ZNF713: variants seen among roughly 807,000 people sequenced by gnomAD.
ZNF713 encodes zinc finger protein 713.
A neutral mutation model predicts 28.7 loss-of-function variants in ZNF713; 21 were observed. The observed-to-expected ratio is 0.73, with a 90% CI of 0.52 to 1.05. The LOEUF is 1.05. Among genes scored for constraint, ZNF713 ranks in the 50% least tolerant of loss-of-function variants. ZNF713 has a pLI of 0.00. For missense variants in ZNF713, 458 were observed against 532.4 expected (o/e 0.86, Z 1.37); for synonymous variants, 167 against 178.0 (o/e 0.94, Z 0.49).
At position 55,939,109 on chromosome 7, in the gene ZNF713, A is replaced by C; in HGVS notation, c.435A>C (p.Gly145=). Reference sequence around the variant, plus strand: ...GCTTCTGGTACTCCATCCTAGGAGGACTCTGGGATTTTGATTACCATCCAG... The same window carrying C: ...GCTTCTGGTACTCCATCCTAGGAGGCCTCTGGGATTTTGATTACCATCCAG... The part of the protein sequence containing the change: ...GDSFWYSILG[G]LWDFDYHPEF... Residue 145 remains glycine (G), a synonymous_variant, in exon 7 of 7, where the codon GGA becomes GGC. Coordinates refer to ENST00000429591, the MANE Select transcript of ZNF713 (RefSeq NM_182633.3). 1 of 1,614,090 alleles carries C rather than the reference A, an allele frequency of 6.2e-7. No individual in the cohort carries two copies. The highest frequency in any genetic ancestry group is 1.1e-5 in the South Asian group (1 of 91,078).
intron 6 of ZNF713, among the ~76,000 whole-genome samples, chr7:55,932,076 G>A (rs1786221687): frequency 6.6e-6 from 1 of 152,034 alleles, no homozygotes; most frequent in Non-Finnish European, 1.5e-5. Context: ...ATAATACATC[G>A]GTTTAAAATT....
rs1294305235 is a variant in ZNF713 at position 55,939,461 on chromosome 7, T to C, written c.787T>C (p.Cys263Arg). The part of the protein sequence containing the change: ...HIHTAEKPSE[C>R]GKAFSHTSSL... ...TCATACTGCAGAGAAACCCAGTGAG[T>C]GTGGGAAGGCCTTCAGCCACACCTC... The change falls in exon 7 of 7, where the codon TGT becomes CGT. Residue 263 changes from cysteine to arginine, a missense_variant. Coordinates refer to ENST00000429591, the MANE Select transcript of ZNF713 (RefSeq NM_182633.3). 1 of 1,613,908 alleles carries C rather than the reference T, an allele frequency of 6.2e-7. No homozygotes were observed. The highest frequency in any genetic ancestry group is 1.7e-5 in the Admixed American group (1 of 59,978).
intron 1 of ZNF713, among the ~76,000 whole-genome samples, chr7:55,895,001 ATTATAAGTGATT>A (rs1472933814): frequency 6.6e-6 from 1 of 152,212 alleles, no homozygotes; most frequent in African/African-American, 2.4e-5. Context: ...TCCAGGTGAT[ATTATAAGTGATT>A]TTCATTTTTT....
intron 1 of ZNF713, among the ~76,000 whole-genome samples, chr7:55,898,891 A>T (rs920684675): frequency 1.8e-4 from 28 of 152,200 alleles, no homozygotes; most frequent in African/African-American, 6.8e-4. Context: ...GGATATGCAG[A>T]TTAAAACCAC....
rs1380386489 is a variant in ZNF713, at chr7:55,911,690, A to G, written c.-381A>G. The stretch of plus-strand genomic sequence containing the variant: ...TTGAATACTATAGTGAAGTCTGTAC[A>G]TGAAGAAATGATGCTTTTAGGGAGG... On this transcript the variant is annotated 5_prime_UTR_variant, in exon 3 of 7. It removes an upstream start codon present in the reference 5' UTR. Transcript: ENST00000429591. The G allele has an allele frequency of 2.0e-5, 3 of 152,154 alleles. No individual in the cohort carries two copies. The highest frequency in any genetic ancestry group is 4.4e-5 in the Non-Finnish European group (3 of 68,038). The allele number at this position is 152,154 out of a possible 1,614,324, so 9.4% of individuals were successfully genotyped here.
At position 55,895,299 on chromosome 7, in the gene ZNF713, A is replaced by G. The variant is rs553372229; in HGVS notation, c.-583+7619A>G. On this transcript the variant is annotated intron_variant, in intron 1 of 6. Coordinates refer to ENST00000429591, the MANE Select transcript of ZNF713 (RefSeq NM_182633.3). ...AGAATGTGACATTGATTAGATAGAG[A>G]GCCTAAGGGAGAACGAGGGAGCTCA... Among the ~76,000 whole-genome samples, 7 of 152,198 alleles carry G rather than the reference A, an allele frequency of 4.6e-5. No homozygotes were observed. The East Asian group carries it at 1.4e-3, about 29-fold the overall frequency.
intron 1 of ZNF713, among the ~76,000 whole-genome samples, chr7:55,892,576 AAAC>A (rs1366245142): frequency 4.4e-4 from 67 of 150,804 alleles, no homozygotes; most frequent in Middle Eastern, 3.5e-3. Context: ...AAAAAAAAAA[AAAC>A]AAAGCAGAAT....
At chr7:55,897,546 G>A (rs530053863) in intron 1 of ZNF713, among the ~76,000 whole-genome samples, 2 of 151,998 alleles carry the variant, frequency 1.3e-5, no homozygotes, top group East Asian at 1.9e-4. Flanking sequence ...CTCCCAAAGC[G>A]TTAGGATTAC....
Position 55,903,970 on chromosome 7 carries a change from A to G in ZNF713, c.-582-2283A>G, listed in dbSNP as rs531903697. ...TAATTTTAAGTGTGGGACTGATATG[A>G]TCAGGTTTTTGTCTTTTTAAGATCC... is the stretch of plus-strand genomic sequence containing the variant. On this transcript the variant is annotated intron_variant, in intron 1 of 6. Coordinates refer to ENST00000429591, the MANE Select transcript of ZNF713 (RefSeq NM_182633.3). 7.0e-4 allele frequency among the ~76,000 whole-genome samples: 107 copies of G among 152,302 alleles called. 1 individual carries two copies. Among genetic ancestry groups the G allele is most frequent in the Admixed American group, 1.3e-3 (20 of 15,290 alleles).
intron 6 of ZNF713, among the ~76,000 whole-genome samples, chr7:55,931,069 T>C (rs1354904404): frequency 6.6e-6 from 1 of 152,138 alleles, no homozygotes; most frequent in Non-Finnish European, 1.5e-5. Context: ...GTGGATCACG[T>C]GAGGTCAGGA....
chr7:55,887,896 C>CA lies in ZNF713; in HGVS notation c.-583+216_-583+217insA, dbSNP rs764810608. Among the ~76,000 whole-genome samples the CA allele has an allele frequency of 5.8e-4, 48 of 82,258 alleles. 7 individuals carry two copies. The highest frequency in any genetic ancestry group is 6.5e-3 in the Middle Eastern group (1 of 154). The allele number at this position is 82,258 out of a possible 152,430, so 54.0% of individuals were successfully genotyped here. On this transcript the variant is annotated intron_variant, in intron 1 of 6. Transcript: ENST00000429591. ...CGGCGGCGGCGGCGGCGGGCGGCGGCGGCGGCGGGAGGCGGCAGGTGGCGG... is the reference window on the plus strand; with the variant it reads ...CGGCGGCGGCGGCGGCGGGCGGCGGCAGGCGGCGGGAGGCGGCAGGTGGCGG...
chr7:55,923,699 G>A lies in ZNF713; in HGVS notation c.307G>A (p.Asp103Asn). 6.2e-7 allele frequency: 1 copy of A among 1,610,650 alleles called. No individual in the cohort carries two copies. Among genetic ancestry groups the A allele is most frequent in the Non-Finnish European group, 8.5e-7 (1 of 1,178,122 alleles). Residue 103 changes from aspartate to asparagine, a missense_variant and splice_region_variant, in exon 6 of 7, where the codon GAT becomes AAT. Transcript: ENST00000429591. Reference protein sequence around the residue: ...ERDSLLDTHPDGENRPEIKKS... With the variant: ...ERDSLLDTHPNGENRPEIKKS... ...AGACAGCCTGCTGGATACTCATCCAGGTAAGTGCACACTCTTGGGCACTGC... is the reference window on the plus strand; with the variant it reads ...AGACAGCCTGCTGGATACTCATCCAAGTAAGTGCACACTCTTGGGCACTGC...
rs544182634 is a variant in ZNF713, at chr7:55,927,085, TGAGCCAA to T, written c.307+3389_307+3395del. 2.6e-3 allele frequency among the ~76,000 whole-genome samples: 393 copies of T among 152,236 alleles called. 3 individuals are homozygous for T. Among genetic ancestry groups the T allele is most frequent in the African/African-American group, 8.7e-3 (360 of 41,528 alleles). ...TGAACCTGGGAGGTAGAGGTTGCAG[TGAGCCAA>T]GACTGCACCACTGCACTCCAGCCTG... On this transcript the variant is annotated intron_variant, in intron 6 of 6. Transcript: ENST00000429591.
chr7:55,903,363 A>AT (rs1408760320), intron 1 of ZNF713, among the ~76,000 whole-genome samples: 2 of 151,856 alleles, frequency 1.3e-5, no homozygotes, highest in Admixed American at 6.6e-5. Context: ...AATTACAGTG[A>AT]TTTAAAAAAA....
At position 55,925,077 on chromosome 7, in the gene ZNF713, G is replaced by A. The variant is rs529487409; in HGVS notation, c.307+1378G>A. ...TCTGGCATACCACCTACGATGTTCT[G>A]CCTGGCTGTTTTAACAAGGAGTGGA... On this transcript the variant is annotated intron_variant, in intron 6 of 6. Coordinates refer to ENST00000429591, the MANE Select transcript of ZNF713 (RefSeq NM_182633.3). 5.9e-5 allele frequency among the ~76,000 whole-genome samples: 9 copies of A among 151,292 alleles called. No individual in the cohort carries two copies. The South Asian group carries it at 1.7e-3, about 28-fold the overall frequency.
intron 4 of ZNF713, among the ~76,000 whole-genome samples, chr7:55,919,996 T>C (rs1785964542): frequency 6.6e-6 from 1 of 152,212 alleles, no homozygotes; most frequent in Non-Finnish European, 1.5e-5. Context: ...TTGTGTGTTC[T>C]GACTGCTCCA....
rs528366956 is a variant in ZNF713, at chr7:55,939,484, C to T, written c.810C>T (p.Thr270=). The part of the protein sequence containing the change: ...PSECGKAFSH[T]SSLSQPQMLL... ...AGTGTGGGAAGGCCTTCAGCCACAC[C>T]TCATCTCTTAGCCAGCCTCAGATGT... Residue 270 remains threonine, a synonymous_variant, in exon 7 of 7, where the codon ACC becomes ACT. Coordinates refer to ENST00000429591, the MANE Select transcript of ZNF713 (RefSeq NM_182633.3). 1 of 1,614,056 alleles carries T rather than the reference C, an allele frequency of 6.2e-7. No individual in the cohort carries two copies. Among genetic ancestry groups the T allele is most frequent in the South Asian group, 1.1e-5 (1 of 91,048 alleles).
intron 6 of ZNF713, among the ~76,000 whole-genome samples, chr7:55,934,687 T>TATAG (rs1478624766): frequency 1.9e-4 from 29 of 152,202 alleles, no homozygotes; most frequent in African/African-American, 6.7e-4. Flanking sequence ...TTGTATTTTT[T>TATAG]ATAGACAGGA....
At chr7:55,896,544 T>C (rs902759791) in intron 1 of ZNF713, among the ~76,000 whole-genome samples, 1 of 151,808 alleles carries the variant, frequency 6.6e-6, no homozygotes, top group Admixed American at 6.6e-5. Context: ...GGTATTAGAT[T>C]GGAATCAGAT....
Sources: gnomAD v4.1 joint callset for allele counts (sites outside exome capture counted in the v4.1 genomes callset) on GRCh38, gnomAD v4.1.1 for gene constraint, MANE v1.5 for transcripts, NCBI Gene and HGNC (gene_info 2026-07-23, HGNC 2026-07-21) for gene names.